Variants in TADA2A observed in about 807,000 individuals in gnomAD.
The protein encoded by TADA2A is transcriptional adaptor 2A, also known as transcriptional adapter 2-alpha.
A neutral mutation model predicts 67.4 loss-of-function variants in TADA2A; 38 were observed. That is an observed-to-expected ratio of 0.56 (90% CI 0.44 to 0.74). The LOEUF (loss-of-function observed/expected upper bound fraction) is 0.74, where lower values mean the gene tolerates loss of function less well. Ranked by LOEUF, TADA2A falls within the 30% of genes least tolerant of loss-of-function variation. TADA2A has a pLI of 0.00. For missense variants in TADA2A, 454 were observed against 547.0 expected, an observed-to-expected ratio of 0.83 and a Z score of 1.70; for synonymous variants, 192 against 181.6, an observed-to-expected ratio of 1.06 and a Z score of -0.46.
intron 8 of TADA2A, among the ~76,000 whole-genome samples, chr17:37,457,505 T>C (rs915213213): frequency 7.1e-6 from 1 of 140,642 alleles, no homozygotes; most frequent in African/African-American, 2.7e-5. Context: ...TTTTTTTTTT[T>C]TTTTTTTTTT....
At chr17:37,433,111 T>A (rs1415149321) in intron 4 of TADA2A, among the ~76,000 whole-genome samples, 1 of 151,822 alleles carries the variant, frequency 6.6e-6, no homozygotes, top group African/African-American at 2.4e-5. Context: ...TTTTTTAAAT[T>A]TTCTTCTTAA....
At chr17:37,421,986 C>T (rs2052248456) in intron 2 of TADA2A, among the ~76,000 whole-genome samples, 1 of 145,250 alleles carries the variant, frequency 6.9e-6, no homozygotes, top group African/African-American at 2.5e-5. Flanking sequence ...TCAAGCAGTT[C>T]TTCTGCCTCA....
At chr17:37,440,393 TATG>T (rs1211522594) in intron 5 of TADA2A, 109 bp from the exon 6 acceptor site, 2 of 1,213,220 alleles carry the variant, frequency 1.6e-6, no homozygotes, top group Non-Finnish European at 2.3e-6. Context: ...AATTTGGAAA[TATG>T]AGAGTATATT....
chr17:37,438,875 C>T (rs187420825), intron 5 of TADA2A, among the ~76,000 whole-genome samples: 4 of 152,238 alleles, frequency 2.6e-5, no homozygotes, highest in East Asian at 1.9e-4. Flanking sequence ...CTTCTCTATC[C>T]GCTGTGGGTA....
chr17:37,450,364 TTTGA>T (rs2053200522), intron 8 of TADA2A, among the ~76,000 whole-genome samples: 1 of 152,176 alleles, frequency 6.6e-6, no homozygotes, highest in Non-Finnish European at 1.5e-5. Flanking sequence ...CAGTAGGGAT[TTTGA>T]TTGGCCTCCC....
intron 4 of TADA2A, among the ~76,000 whole-genome samples, chr17:37,433,761 T>C (rs2052640353): frequency 6.6e-6 from 1 of 152,138 alleles, no homozygotes; most frequent in Non-Finnish European, 1.5e-5. Context: ...AAGACCAGCC[T>C]GGCCAACATG....
chr17:37,443,134 C>G (rs185835331), intron 7 of TADA2A, among the ~76,000 whole-genome samples: 2 of 152,020 alleles, frequency 1.3e-5, no homozygotes, highest in East Asian at 3.9e-4. Flanking sequence ...TAAACTGCAC[C>G]CTAGACAACA....
intron 4 of TADA2A, among the ~76,000 whole-genome samples, chr17:37,431,199 A>C (rs958392383): frequency 1.3e-5 from 2 of 152,094 alleles, no homozygotes; most frequent in Admixed American, 1.3e-4. Flanking sequence ...TTGGTTATCT[A>C]TTGCTATGTA....
intron 2 of TADA2A, among the ~76,000 whole-genome samples, chr17:37,419,070 A>G (rs181743898): frequency 6.8e-6 from 1 of 146,680 alleles, no homozygotes; most frequent in African/African-American, 2.5e-5. Flanking sequence ...TATATAGAAG[A>G]AAGGTTGGAA....
intron 4 of TADA2A, among the ~76,000 whole-genome samples, chr17:37,433,719 G>A (rs534374178): frequency 1.3e-5 from 2 of 151,980 alleles, no homozygotes; most frequent in South Asian, 2.1e-4. Context: ...TTGGGAGGCC[G>A]AGGTGGGCGG....
At position 37,460,590 on chromosome 17, in the gene TADA2A, A is replaced by C. The variant is rs188872998; in HGVS notation, c.669-1488A>C. Among the ~76,000 whole-genome samples, 39 of 152,286 alleles carry C rather than the reference A, an allele frequency of 2.6e-4. 1 individual carries two copies. Among genetic ancestry groups the C allele is most frequent in the Middle Eastern group, 3.4e-3 (1 of 294 alleles). Reference sequence around the variant, plus strand: ...TCTCTTTCTAACTGTTCATTTTTTAATGAGAAGTCTTTCATCTAAAAGGAT... The same window carrying C: ...TCTCTTTCTAACTGTTCATTTTTTACTGAGAAGTCTTTCATCTAAAAGGAT... On this transcript the variant is annotated intron_variant, in intron 9 of 15. Coordinates refer to ENST00000615182, the MANE Select transcript of TADA2A (RefSeq NM_001166105.3).
intron 4 of TADA2A, among the ~76,000 whole-genome samples, chr17:37,428,488 A>G (rs1163908592): frequency 6.6e-6 from 1 of 152,194 alleles, no homozygotes; most frequent in African/African-American, 2.4e-5. Context: ...GAGCACAGGA[A>G]GTCCTTGAGG....
At chr17:37,461,222 G>A (rs555586921) in intron 9 of TADA2A, among the ~76,000 whole-genome samples, 5 of 152,164 alleles carry the variant, frequency 3.3e-5, no homozygotes, top group East Asian at 1.9e-4. Flanking sequence ...TAGGGATCGC[G>A]CTCCTGTGAG....
intron 2 of TADA2A, 96 bp from the exon 3 acceptor site, chr17:37,423,413 C>G (rs2052304952): frequency 4.3e-6 from 4 of 926,120 alleles, no homozygotes; most frequent in Non-Finnish European, 6.6e-6. Flanking sequence ...CAGCTTAGCT[C>G]ACTACTTGTG....
At chr17:37,441,225 T>G (rs1296651046) in intron 6 of TADA2A, among the ~76,000 whole-genome samples, 1 of 152,232 alleles carries the variant, frequency 6.6e-6, no homozygotes, top group Admixed American at 6.5e-5. Context: ...TTGAGTCCTT[T>G]GAACATATCA....
rs543522608 is a variant in TADA2A at position 37,427,145 on chromosome 17, C to T, written c.192+136C>T. The T allele has an allele frequency of 1.5e-5, 9 of 613,422 alleles. No individual in the cohort carries two copies. In the South Asian group the frequency reaches 2.9e-4, roughly 19 times the overall value. The allele number at this position is 613,422 out of a possible 1,614,324, so 38.0% of individuals were successfully genotyped here. On this transcript the variant is annotated intron_variant, in intron 4 of 15. Coordinates refer to ENST00000615182, the MANE Select transcript of TADA2A (RefSeq NM_001166105.3). Reference sequence around the variant, plus strand: ...TTTTCTTAATCTCTGAGTATCTTTACCTTTTCTCCCCTTCGGAAATAGGTA... The same window carrying T: ...TTTTCTTAATCTCTGAGTATCTTTATCTTTTCTCCCCTTCGGAAATAGGTA...
intron 8 of TADA2A, among the ~76,000 whole-genome samples, chr17:37,457,491 CTTTTTTTTTTTTT>C (rs71135729): frequency 2.8e-5 from 2 of 72,398 alleles, no homozygotes; most frequent in African/African-American, 6.2e-5. Flanking sequence ...AACATTAATT[CTTTTTTTTTTTTT>C]TTTTTTTTTT....
intron 8 of TADA2A, among the ~76,000 whole-genome samples, chr17:37,449,653 C>T (rs1163107538): frequency 6.7e-6 from 1 of 149,518 alleles, no homozygotes; most frequent in Non-Finnish European, 1.5e-5. Flanking sequence ...AGGGTCACGC[C>T]CTGTTGCCCA....
In TADA2A at chr17:37,437,194, C is replaced by T. The variant is rs530491774; in HGVS notation, c.193-544C>T. Among the ~76,000 whole-genome samples, 84 of 148,702 alleles carry T rather than the reference C, an allele frequency of 5.6e-4. 1 individual carries two copies. Among genetic ancestry groups the T allele is most frequent in the Admixed American group, 1.7e-3 (26 of 14,884 alleles). ...TCCGCCTCCGCCTCCTGGGTTCATGCCATCCTCTTGCCTCAGCCTCCCAAG... is the reference window on the plus strand; with the variant it reads ...TCCGCCTCCGCCTCCTGGGTTCATGTCATCCTCTTGCCTCAGCCTCCCAAG... On this transcript the variant is annotated intron_variant, in intron 4 of 15. Coordinates refer to ENST00000615182, the MANE Select transcript of TADA2A (RefSeq NM_001166105.3).
Sources: allele counts gnomAD v4.1 joint callset (sites outside exome capture counted in the v4.1 genomes callset), GRCh38; gene constraint gnomAD v4.1.1; transcripts MANE v1.5; gene names NCBI Gene and HGNC (gene_info 2026-07-23, HGNC 2026-07-21).